The following UBE2Q2 variants were observed in gnomAD, a reference collection of about 807,000 sequenced individuals.
UBE2Q2 encodes ubiquitin conjugating enzyme E2 Q2.
Under a neutral mutation model 59.9 loss-of-function variants are expected in UBE2Q2, and 54 were observed. The observed-to-expected ratio is 0.90, with a 90% CI of 0.72 to 1.13. UBE2Q2 has a LOEUF of 1.13. Ranked by LOEUF, UBE2Q2 falls within the 50% of genes most tolerant of loss-of-function variation. The probability of loss-of-function intolerance (pLI) is 0.00; values close to 1 mark genes in which losing one functional copy is unlikely to be tolerated. For synonymous variants in UBE2Q2, 165 were observed against 155.2 expected, an observed-to-expected ratio of 1.06 and a Z score of -0.47; for missense variants, 433 against 441.9, an observed-to-expected ratio of 0.98 and a Z score of 0.18.
At chr15:75,890,545 G>A in intron 10 of UBE2Q2, 62 bp downstream of exon 10, 1 of 1,456,494 alleles carries the variant, frequency 6.9e-7, no homozygotes, top group Non-Finnish European at 9.4e-7. Flanking sequence ...ATGTAAATTA[G>A]ATTGTAAGTA....
In UBE2Q2 at chr15:75,879,084, T is replaced by G; in HGVS notation, c.735-14T>G. The G allele has an allele frequency of 6.5e-7, 1 of 1,533,980 alleles. No individual in the cohort carries two copies. Among genetic ancestry groups the G allele is most frequent in the Non-Finnish European group, 8.7e-7 (1 of 1,143,136 alleles). The stretch of plus-strand genomic sequence containing the variant: ...ACTTTTTATTTGAACTGTTTTTTGT[T>G]TTGTAATTCTTAGGGTTGACCCTGA... On this transcript the variant is annotated splice_polypyrimidine_tract_variant and intron_variant, in intron 7 of 12. Transcript: ENST00000267938.
intron 7 of UBE2Q2, chr15:75,878,480 A>G (rs1362112667): frequency 6.6e-6 from 1 of 152,622 alleles, no homozygotes; most frequent in Non-Finnish European, 1.5e-5. Flanking sequence ...AGTCCCAGCT[A>G]CTGGGGGTGG....
In UBE2Q2 at chr15:75,856,522, CT is replaced by C. The variant is rs1896925718; in HGVS notation, c.282+2037del. On this transcript the variant is annotated intron_variant, in intron 2 of 12. Coordinates refer to ENST00000267938, the MANE Select transcript of UBE2Q2 (RefSeq NM_173469.4). Reference sequence around the variant, plus strand: ...GTATAAGGTAAAGGTGGTATTCTAACTTAATAAGGAAAGGCTAGATTATTCT... The same window carrying C: ...GTATAAGGTAAAGGTGGTATTCTAACTAATAAGGAAAGGCTAGATTATTCT... Among the ~76,000 whole-genome samples, 3 of 152,202 alleles carry C rather than the reference CT, an allele frequency of 2.0e-5. No homozygotes were observed. The South Asian group carries it at 6.2e-4, about 31-fold the overall frequency.
chr15:75,873,581 A>G lies in UBE2Q2; in HGVS notation c.588+13A>G. ...AGACCATTTAAATGTAAGTGTGTGT[A>G]GATATCTAGAACCTGGACTTTTGTG... is the stretch of plus-strand genomic sequence containing the variant. On this transcript the variant is annotated intron_variant, in intron 5 of 12. Coordinates refer to ENST00000267938, the MANE Select transcript of UBE2Q2 (RefSeq NM_173469.4). 1.2e-6 allele frequency: 2 copies of G among 1,603,634 alleles called. No homozygotes were observed. Among genetic ancestry groups the G allele is most frequent in the Non-Finnish European group, 1.7e-6 (2 of 1,176,834 alleles).
intron 9 of UBE2Q2, among the ~76,000 whole-genome samples, chr15:75,887,856 T>A (rs1463175067): frequency 2.0e-5 from 3 of 152,112 alleles, no homozygotes; most frequent in Non-Finnish European, 2.9e-5. Context: ...GGAGGCAAAA[T>A]CAAAATGGCT....
intron 5 of UBE2Q2, among the ~76,000 whole-genome samples, chr15:75,874,304 G>A (rs62028934): frequency 6.9e-6 from 1 of 144,444 alleles, no homozygotes; most frequent in African/African-American, 2.6e-5. Context: ...TTTTTTTTTG[G>A]ATGAAGTTAC....
At chr15:75,880,362 C>T (rs572796618) in intron 8 of UBE2Q2, among the ~76,000 whole-genome samples, 1 of 152,146 alleles carries the variant, frequency 6.6e-6, no homozygotes, top group East Asian at 1.9e-4. Context: ...ATCTGCCTGC[C>T]TCGGCCTCCC....
chr15:75,873,431 A>G lies in UBE2Q2; in HGVS notation c.451A>G (p.Ile151Val). 6.2e-7 allele frequency: 1 copy of G among 1,605,722 alleles called. No homozygotes were observed. The highest frequency in any genetic ancestry group is 8.5e-7 in the Non-Finnish European group (1 of 1,178,216). Reference sequence around the variant, plus strand: ...AACATTTTTCGTCTCTTTGTAGGATATAGAAGACTTAGATCACTATGAGAT... The same window carrying G: ...AACATTTTTCGTCTCTTTGTAGGATGTAGAAGACTTAGATCACTATGAGAT... ...EEEEEEMAED[I>V]EDLDHYEMKE... Residue 151 changes from isoleucine (I) to valine (V), a missense_variant, in exon 5 of 13, where the codon ATA (isoleucine) becomes GTA (valine). Ile to Val is a conservative substitution (Grantham distance 29). Transcript: ENST00000267938.
At chr15:75,874,286 C>CT (rs112714715) in intron 5 of UBE2Q2, among the ~76,000 whole-genome samples, 483 of 139,820 alleles carry the variant, frequency 3.5e-3, no homozygotes, top group East Asian at 0.012. Context: ...ACTTAACATC[C>CT]TTTTTTTTTT....
Position 75,843,699 on chromosome 15 carries a change from G to A in UBE2Q2, c.33G>A (p.Lys11=). ...TGTCAGGGCTCAAGGCCGAGCTGAA[G>A]TTCCTGGCGTCCATCTTCGACAAGA... MSVSGLKAEL[K]FLASIFDKNH... Residue 11 remains lysine (K), a synonymous_variant, in exon 1 of 13, where the codon AAG becomes AAA. Transcript: ENST00000267938. The A allele has an allele frequency of 6.2e-7, 1 of 1,611,440 alleles. No homozygotes were observed. Among genetic ancestry groups the A allele is most frequent in the South Asian group, 1.1e-5 (1 of 90,828 alleles).
intron 2 of UBE2Q2, among the ~76,000 whole-genome samples, chr15:75,856,941 C>CA (rs775019381): frequency 0.045 from 5,363 of 118,456 alleles, 124 homozygotes; most frequent in Middle Eastern, 0.088. Context: ...ACTCTGTCTC[C>CA]AAAAAAAAAA....
chr15:75,861,581 G>A (rs902074132), intron 3 of UBE2Q2, among the ~76,000 whole-genome samples: 2 of 152,012 alleles, frequency 1.3e-5, no homozygotes, highest in Admixed American at 6.6e-5. Context: ...ATTTTGAAGT[G>A]TCCGTTAATG....
chr15:75,877,877 T>C (rs1898173165), intron 6 of UBE2Q2, 84 bp from the exon 7 acceptor site: 6 of 1,259,676 alleles, frequency 4.8e-6, no homozygotes, highest in Non-Finnish European at 6.6e-6. Context: ...TAGCTTTCGT[T>C]GGCTATTTAG....
intron 6 of UBE2Q2, 51 bp downstream of exon 6, chr15:75,876,322 A>C (rs916703400): frequency 1.4e-6 from 2 of 1,455,546 alleles, no homozygotes; most frequent in Non-Finnish European, 1.9e-6. Flanking sequence ...GCTCTTTTCT[A>C]TTGTCAGATT....
At chr15:75,853,447 C>T (rs1393026744) in intron 1 of UBE2Q2, among the ~76,000 whole-genome samples, 2 of 151,070 alleles carry the variant, frequency 1.3e-5, no homozygotes, top group Non-Finnish European at 2.9e-5. Context: ...TCCGCCTGGG[C>T]CACAGAGCAA....
chr15:75,876,077 A>AAAG (rs2141625184), intron 5 of UBE2Q2, 110 bp from the exon 6 acceptor site: 1 of 1,126,692 alleles, frequency 8.9e-7, no homozygotes, highest in East Asian at 2.4e-5. Flanking sequence ...AAAAAAAAAA[A>AAAG]AAAAAATGTT....
intron 3 of UBE2Q2, among the ~76,000 whole-genome samples, chr15:75,865,948 C>T (rs1011168284): frequency 1.3e-5 from 2 of 152,006 alleles, no homozygotes; most frequent in South Asian, 2.1e-4. Context: ...TGGAGGTGAA[C>T]GTACACAGAT....
intron 3 of UBE2Q2, among the ~76,000 whole-genome samples, chr15:75,860,632 T>A (rs1197648900): frequency 1.3e-5 from 2 of 152,310 alleles, no homozygotes; most frequent in African/African-American, 4.8e-5. Context: ...TTGGTGCAGC[T>A]TTTTGTTTTG....
chr15:75,846,478 A>T (rs1896354219), intron 1 of UBE2Q2, among the ~76,000 whole-genome samples: 2 of 152,184 alleles, frequency 1.3e-5, no homozygotes, highest in South Asian at 4.2e-4. Context: ...TCAAGCTCCC[A>T]AAGTGCTGGG....
Sources: gnomAD v4.1 joint callset for allele counts (sites outside exome capture counted in the v4.1 genomes callset) on GRCh38, gnomAD v4.1.1 for gene constraint, MANE v1.5 for transcripts, NCBI Gene and HGNC (gene_info 2026-07-23, HGNC 2026-07-21) for gene names.